TBC1D22A: variants seen among roughly 807,000 people sequenced by gnomAD.
TBC1D22A encodes TBC1 domain family member 22A.
TBC1D22A carries 38 observed loss-of-function variants against 60.2 expected under a neutral mutation model. The ratio of observed to expected loss-of-function variants is 0.63; its 90% CI spans 0.49 to 0.83. TBC1D22A has a LOEUF of 0.83. TBC1D22A is among the 40% of genes least tolerant of loss of function. TBC1D22A has a pLI of 0.00. For missense variants in TBC1D22A, 628 were observed against 701.0 expected, an observed-to-expected ratio of 0.90 and a Z score of 1.18; for synonymous variants, 302 against 281.7, an observed-to-expected ratio of 1.07 and a Z score of -0.72.
At chr22:46,844,404 A>T (rs1238677611) in intron 4 of TBC1D22A, among the ~76,000 whole-genome samples, 2 of 152,072 alleles carry the variant, frequency 1.3e-5, no homozygotes, top group East Asian at 3.9e-4. Context: ...TCTCCCTCTG[A>T]TTGTACCCCC....
chr22:46,967,130 T>C (rs1020252127), intron 8 of TBC1D22A, among the ~76,000 whole-genome samples: 8 of 152,248 alleles, frequency 5.3e-5, no homozygotes, highest in African/African-American at 1.9e-4. Flanking sequence ...AGTCGGGAAC[T>C]GTGACTGTGG....
intron 1 of TBC1D22A, among the ~76,000 whole-genome samples, chr22:46,771,994 C>T (rs898505602): frequency 2.6e-5 from 4 of 151,782 alleles, no homozygotes; most frequent in East Asian, 1.9e-4. Context: ...GAGGTCTCTG[C>T]GAATGCCAGT....
chr22:46,957,836 G>C (rs942712530), intron 8 of TBC1D22A, among the ~76,000 whole-genome samples: 7 of 152,234 alleles, frequency 4.6e-5, no homozygotes, highest in Admixed American at 1.3e-4. Flanking sequence ...TCCTCGAGGG[G>C]AGGGACGGCC....
At chr22:46,861,306 G>A (rs9616132) in intron 4 of TBC1D22A, among the ~76,000 whole-genome samples, 1 of 152,172 alleles carries the variant, frequency 6.6e-6, no homozygotes, top group Non-Finnish European at 1.5e-5. Context: ...ACAGTTTCTA[G>A]AATAAAATGT....
chr22:46,862,858 G>T (rs2087978719), intron 4 of TBC1D22A, among the ~76,000 whole-genome samples: 1 of 152,208 alleles, frequency 6.6e-6, no homozygotes, highest in Admixed American at 6.5e-5. Context: ...TGGGGAGCAT[G>T]GGAGGAAAGG....
chr22:47,105,902 C>G (rs2065617651), intron 11 of TBC1D22A, among the ~76,000 whole-genome samples: 3 of 152,130 alleles, frequency 2.0e-5, no homozygotes. Context: ...AGAAAGAGAT[C>G]TACAGAGATT....
At chr22:46,877,449 A>C (rs948143512) in intron 4 of TBC1D22A, among the ~76,000 whole-genome samples, 1 of 152,208 alleles carries the variant, frequency 6.6e-6, no homozygotes, top group Non-Finnish European at 1.5e-5. Flanking sequence ...AGGGAGAGAC[A>C]CTGGGAACAT....
chr22:46,912,512 C>T (rs1026180885), intron 8 of TBC1D22A, among the ~76,000 whole-genome samples: 8 of 152,022 alleles, frequency 5.3e-5, no homozygotes, highest in South Asian at 2.1e-4. Context: ...GTCATTCAAT[C>T]GATCAGTCAT....
chr22:47,098,002 G>C (rs992615467), intron 11 of TBC1D22A, among the ~76,000 whole-genome samples: 1 of 151,988 alleles, frequency 6.6e-6, no homozygotes, highest in African/African-American at 2.4e-5. Flanking sequence ...GCTGTCCTTT[G>C]GAGCAGCTCT....
chr22:46,975,070 T>G (rs1407356780), intron 9 of TBC1D22A, among the ~76,000 whole-genome samples: 1 of 152,132 alleles, frequency 6.6e-6, no homozygotes, highest in African/African-American at 2.4e-5. Flanking sequence ...GAGTCAGGAA[T>G]GAGGACTGGA....
intron 12 of TBC1D22A, among the ~76,000 whole-genome samples, chr22:47,152,016 G>T (rs79931858): frequency 0.034 from 5,172 of 152,232 alleles, 259 homozygotes; most frequent in African/African-American, 0.11. Flanking sequence ...TACTCTGCTG[G>T]TGGCAGCCCG....
At chr22:47,027,049 T>C (rs983480814) in intron 10 of TBC1D22A, among the ~76,000 whole-genome samples, 7 of 152,248 alleles carry the variant, frequency 4.6e-5, no homozygotes, top group African/African-American at 1.7e-4. Flanking sequence ...AGCATGTTGT[T>C]GCCATTGAGA....
chr22:47,158,300 A>G (rs1249445371), intron 12 of TBC1D22A, among the ~76,000 whole-genome samples: 2 of 152,238 alleles, frequency 1.3e-5, no homozygotes, highest in Non-Finnish European at 2.9e-5. Flanking sequence ...GCAACAATAA[A>G]GTGCTTAAGA....
chr22:47,085,735 A>G (rs570561071), intron 11 of TBC1D22A, among the ~76,000 whole-genome samples: 1 of 152,312 alleles, frequency 6.6e-6, no homozygotes, highest in South Asian at 2.1e-4. Context: ...GAGAACTTTA[A>G]TTCTTTCTTA....
chr22:46,920,491 A>G (rs938354674), intron 8 of TBC1D22A, among the ~76,000 whole-genome samples: 3 of 152,184 alleles, frequency 2.0e-5, no homozygotes. Flanking sequence ...ATATTCCCTA[A>G]AACTCATGGA....
intron 4 of TBC1D22A, among the ~76,000 whole-genome samples, chr22:46,806,983 T>A (rs1442451356): frequency 6.6e-6 from 1 of 152,262 alleles, no homozygotes; most frequent in Non-Finnish European, 1.5e-5. Context: ...TCCCCAGGCA[T>A]GGCCTGGATA....
chr22:46,879,269 G>A (rs1028362512), intron 5 of TBC1D22A, among the ~76,000 whole-genome samples: 12 of 152,042 alleles, frequency 7.9e-5, no homozygotes, highest in African/African-American at 2.9e-4. Flanking sequence ...CTGGCGCTCA[G>A]CTGCCGGTCT....
chr22:46,810,626 G>A (rs1300475733), intron 4 of TBC1D22A, among the ~76,000 whole-genome samples: 4 of 152,170 alleles, frequency 2.6e-5, no homozygotes, highest in Non-Finnish European at 5.9e-5. Flanking sequence ...CTGTTTTGTG[G>A]TGGACAGTTC....
chr22:47,057,247 G>A (rs1418921201), intron 11 of TBC1D22A, among the ~76,000 whole-genome samples: 1 of 152,232 alleles, frequency 6.6e-6, no homozygotes, highest in African/African-American at 2.4e-5. Flanking sequence ...GCTGGCTGGG[G>A]TTCTCTCCTT....
Sources: gnomAD v4.1 joint callset for allele counts (sites outside exome capture counted in the v4.1 genomes callset) on GRCh38, gnomAD v4.1.1 for gene constraint, MANE v1.5 for transcripts, NCBI Gene and HGNC (gene_info 2026-07-23, HGNC 2026-07-21) for gene names.